The following GIT2 variants were observed in gnomAD, a reference collection of about 807,000 sequenced individuals.
GIT2 encodes the protein ARF GTPase-activating protein GIT2.
Under a neutral mutation model 100.3 loss-of-function variants are expected in GIT2, and 32 were observed. The ratio of observed to expected loss-of-function variants is 0.32; its 90% CI spans 0.24 to 0.43. GIT2 has a LOEUF of 0.43. Ranked by LOEUF, GIT2 falls within the 20% of genes least tolerant of loss-of-function variation. GIT2 has a pLI of 1.00. For synonymous variants in GIT2, 353 were observed against 364.1 expected (o/e 0.97, Z 0.35); for missense variants, 737 against 975.1 (o/e 0.76, Z 3.25).
intron 9 of GIT2, among the ~76,000 whole-genome samples, chr12:109,963,890 G>A (rs759048358): frequency 6.6e-6 from 1 of 152,204 alleles, no homozygotes; most frequent in Admixed American, 6.6e-5. Context: ...TCTATGAGAG[G>A]ATGCCAAGGC....
chr12:109,983,704 G>A lies in GIT2; in HGVS notation c.406-10C>T, dbSNP rs1368600942. On this transcript the variant is annotated splice_polypyrimidine_tract_variant and intron_variant, in intron 4 of 19. Transcript: ENST00000355312. ...CGCTCGAATGGAGTTGCTGAAAAAC[G>A]CAGAAACAAAAAAGGAATCGTGGTT... The A allele has an allele frequency of 5.0e-6, 8 of 1,593,156 alleles. No individual in the cohort carries two copies. The highest frequency in any genetic ancestry group is 3.4e-5 in the Admixed American group (2 of 58,458).
intron 9 of GIT2, among the ~76,000 whole-genome samples, chr12:109,963,763 G>A (rs1003998989): frequency 1.3e-5 from 2 of 152,202 alleles, no homozygotes; most frequent in South Asian, 2.1e-4. Flanking sequence ...CTGACCTGGC[G>A]CTGATAAGAT....
Position 109,996,212 on chromosome 12 carries a change from G to T in GIT2, c.13C>A (p.Leu5Ile). 1.3e-6 allele frequency: 2 copies of T among 1,533,374 alleles called. No individual in the cohort carries two copies. The highest frequency in any genetic ancestry group is 1.4e-5 in the African/African-American group (1 of 70,778). The allele number at this position is 1,533,374 out of a possible 1,614,324, so 95.0% of individuals were successfully genotyped here. The change falls in exon 1 of 20, where the codon CTC becomes ATC. Residue 5 changes from leucine to isoleucine, a missense_variant. By Grantham distance (5) the Leu-to-Ile change is conservative. Transcript: ENST00000355312. ...TCAGCGCACACCTCGCTGCTCCGGA[G>T]CCGTTTCGACATGGCTCCCACCTCC... MSKR[L>I]RSSEVCADCS...
chr12:109,992,374 T>C (rs1888582996), intron 1 of GIT2, among the ~76,000 whole-genome samples: 1 of 152,100 alleles, frequency 6.6e-6, no homozygotes, highest in Non-Finnish European at 1.5e-5. Flanking sequence ...CTCAAACTCC[T>C]GACCTCAGGT....
chr12:109,938,023 C>T (rs867792983), intron 18 of GIT2, among the ~76,000 whole-genome samples: 2 of 152,092 alleles, frequency 1.3e-5, no homozygotes, highest in Non-Finnish European at 2.9e-5. Flanking sequence ...TTTGTGTCAG[C>T]GGCCTTGTCC....
In GIT2 at chr12:109,988,986, C is replaced by T; in HGVS notation, c.382G>A (p.Val128Met). Residue 128 changes from valine to methionine, a missense_variant, in exon 4 of 20, where the codon GTG (valine) becomes ATG (methionine). Physicochemically the swap from Val to Met is conservative, Grantham distance 21 (BLOSUM62 1). Transcript: ENST00000355312. ...ACCTTGCTAAGATCTTTGGCAGTCA[C>T]ACTATCGTCATCCCGGCAGGGCAAG... ...HRLPCRDDDS[V>M]TAKDLSKQLH... The T allele has an allele frequency of 6.2e-7, 1 of 1,606,308 alleles. No homozygotes were observed. Among genetic ancestry groups the T allele is most frequent in the Non-Finnish European group, 8.5e-7 (1 of 1,173,252 alleles).
chr12:109,974,187 T>C (rs1884549096), intron 7 of GIT2, among the ~76,000 whole-genome samples: 1 of 152,156 alleles, frequency 6.6e-6, no homozygotes, highest in South Asian at 2.1e-4. Context: ...GTGGAAAATA[T>C]TTTTTCCCTT....
chr12:109,984,058 C>A (rs963175408), intron 4 of GIT2, among the ~76,000 whole-genome samples: 1 of 152,148 alleles, frequency 6.6e-6, no homozygotes, highest in African/African-American at 2.4e-5. Context: ...CCACTTCAAG[C>A]TGTGTGGCCT....
At chr12:109,938,724 A>G (rs987580164) in intron 17 of GIT2, 156 bp from the exon 18 acceptor site, 3 of 564,848 alleles carry the variant, frequency 5.3e-6, no homozygotes, top group African/African-American at 1.9e-5. Flanking sequence ...GTAAGGCTCT[A>G]AAATCGGCTA....
At chr12:109,999,687 C>G (rs759821273), upstream of GIT2, 6 of 1,533,096 alleles carry the variant, frequency 3.9e-6, no homozygotes, top group South Asian at 6.1e-5. This position sits in a 1 kb window ranked among gnomAD's most constrained non-coding sequence, Gnocchi z 4.3. Flanking sequence ...GGCCTCCTCG[C>G]CATGTCCTCG....
rs1326494794 is a variant in GIT2, at chr12:109,932,222, G to C, written c.*756C>G. On this transcript the variant is annotated 3_prime_UTR_variant, in exon 20 of 20. Coordinates refer to ENST00000355312, the MANE Select transcript of GIT2 (RefSeq NM_057169.5). The stretch of plus-strand genomic sequence containing the variant: ...CTTACAGGGGTGAGGGAGAGCACCT[G>C]ACAATGGGTGGTGATGTGCGTGGAG... The C allele has an allele frequency of 6.6e-6, 1 of 152,276 alleles. No individual in the cohort carries two copies. Among genetic ancestry groups the C allele is most frequent in the Non-Finnish European group, 1.5e-5 (1 of 68,082 alleles). The allele number at this position is 152,276 out of a possible 1,614,324, so 9.4% of individuals were successfully genotyped here.
At chr12:109,969,772 T>C (rs905769905) in intron 7 of GIT2, among the ~76,000 whole-genome samples, 8 of 151,610 alleles carry the variant, frequency 5.3e-5, no homozygotes, top group African/African-American at 1.5e-4. Flanking sequence ...CTTTTTTTTT[T>C]TGAGACGCGG....
At position 109,989,015 on chromosome 12, in the gene GIT2, T is replaced by C. The variant is rs1432969804; in HGVS notation, c.353A>G (p.His118Arg). The C allele has an allele frequency of 1.2e-6, 2 of 1,613,280 alleles. No individual in the cohort carries two copies. Among genetic ancestry groups the C allele is most frequent in the African/African-American group, 1.3e-5 (1 of 74,904 alleles). Residue 118 changes from histidine (H) to arginine (R), a missense_variant, in exon 4 of 20, where the codon CAT becomes CGT. His to Arg is a conservative substitution (Grantham distance 29). This residue lies in a region of GIT2 where 266 missense variants were observed against 376.2 expected (regional missense o/e 0.71). Transcript: ENST00000355312. ...RAKYQMLAFV[H>R]RLPCRDDDSV... ...ATCGTCATCCCGGCAGGGCAAGCGATGGACGAACGCTAACATCTGATACTT... is the reference window on the plus strand; with the variant it reads ...ATCGTCATCCCGGCAGGGCAAGCGACGGACGAACGCTAACATCTGATACTT...
chr12:109,964,602 A>G, intron 9 of GIT2, among the ~76,000 whole-genome samples: 1 of 145,706 alleles, frequency 6.9e-6, no homozygotes, highest in African/African-American at 2.5e-5. Flanking sequence ...TCATGGCCTC[A>G]GAGGGTGTTA....
At chr12:109,946,377 A>G (rs1191323018) in intron 15 of GIT2, among the ~76,000 whole-genome samples, 3 of 152,224 alleles carry the variant, frequency 2.0e-5, no homozygotes, top group African/African-American at 7.2e-5. Context: ...GGAAACTCCC[A>G]TAAAATTTGA....
At chr12:109,935,685 C>T (rs775417838) in intron 18 of GIT2, among the ~76,000 whole-genome samples, 2 of 152,188 alleles carry the variant, frequency 1.3e-5, no homozygotes, top group South Asian at 2.1e-4. Flanking sequence ...CGTGAGCCAC[C>T]GCGCCCAGCC....
At chr12:109,973,325 G>C (rs906404273) in intron 7 of GIT2, among the ~76,000 whole-genome samples, 2 of 151,584 alleles carry the variant, frequency 1.3e-5, no homozygotes, top group African/African-American at 2.4e-5. Flanking sequence ...ATTTTTAGTA[G>C]AGACGGAGTT....
In GIT2 at chr12:109,981,425, C is replaced by T. The variant is rs557081780; in HGVS notation, c.624-379G>A. Reference sequence around the variant, plus strand: ...TTCTAGAAATATACCATGTGCAGGCCCCACCCTTGGAAATTCTGAATCAAT... The same window carrying T: ...TTCTAGAAATATACCATGTGCAGGCTCCACCCTTGGAAATTCTGAATCAAT... On this transcript the variant is annotated intron_variant, in intron 6 of 19. Transcript: ENST00000355312. 2.5e-5 allele frequency: 5 copies of T among 199,444 alleles called. No homozygotes were observed. In the South Asian group the frequency reaches 3.7e-4, roughly 15 times the overall value. 12.4% of individuals were successfully genotyped at this position (199,444 alleles called of 1,614,324 possible).
intron 18 of GIT2, among the ~76,000 whole-genome samples, chr12:109,935,416 C>T (rs957857508): frequency 1.9e-4 from 29 of 152,060 alleles, no homozygotes; most frequent in Non-Finnish European, 3.4e-4. Context: ...GATGGAGTCT[C>T]GCTCTGTCGC....
Sources: allele counts gnomAD v4.1 joint callset (sites outside exome capture counted in the v4.1 genomes callset), GRCh38; gene constraint gnomAD v4.1.1; regional missense constraint gnomAD v4.1.1; non-coding constraint Gnocchi (gnomAD v3.1); transcripts MANE v1.5; gene names NCBI Gene and HGNC (gene_info 2026-07-23, HGNC 2026-07-21).